Variants in LRMDA observed in about 807,000 individuals in gnomAD.
The protein encoded by LRMDA is leucine rich melanocyte differentiation associated, also known as leucine-rich melanocyte differentiation-associated protein.
LRMDA carries 18 observed loss-of-function variants against 29.8 expected under a neutral mutation model. The observed-to-expected ratio is 0.60, with a 90% CI of 0.42 to 0.90. LRMDA has a LOEUF of 0.90. Among genes scored for constraint, LRMDA ranks in the 40% least tolerant of loss-of-function variants. The pLI is 0.00. For synonymous variants in LRMDA, 125 were observed against 109.4 expected, an observed-to-expected ratio of 1.14 and a Z score of -0.89; for missense variants, 273 against 273.9, an observed-to-expected ratio of 1.00 and a Z score of 0.02.
At chr10:76,137,992 A>G (rs114847734) in intron 5 of LRMDA, among the ~76,000 whole-genome samples, 201 of 152,254 alleles carry the variant, frequency 1.3e-3, no homozygotes, top group African/African-American at 4.7e-3. Context: ...TAGGAAGATT[A>G]TAATTTCAGG....
At chr10:76,088,463 G>A (rs753741569) in intron 5 of LRMDA, among the ~76,000 whole-genome samples, 1 of 152,168 alleles carries the variant, frequency 6.6e-6, no homozygotes, top group Non-Finnish European at 1.5e-5. Context: ...GACTTTGAGG[G>A]TGGGAATTTA....
At chr10:76,132,966 CTTTTTTTTTTTTTTTTTTT>C in intron 5 of LRMDA, among the ~76,000 whole-genome samples, 1 of 57,380 alleles carries the variant, frequency 1.7e-5, no homozygotes, top group East Asian at 7.3e-4. Flanking sequence ...CCACGCCCGG[CTTTTTTTTTTTTTTTTTTT>C]TTTTTTTTTG....
intron 2 of LRMDA, among the ~76,000 whole-genome samples, chr10:76,021,225 AC>A (rs1847969533): frequency 6.6e-6 from 1 of 152,212 alleles, no homozygotes; most frequent in Non-Finnish European, 1.5e-5. Flanking sequence ...TTTGGGACAG[AC>A]AGAGAAGTCT....
chr10:76,180,277 C>CTTT (rs34563574), intron 5 of LRMDA, among the ~76,000 whole-genome samples: 59 of 89,860 alleles, frequency 6.6e-4, no homozygotes, highest in Non-Finnish European at 9.0e-4. Flanking sequence ...TTGGAAAAAA[C>CTTT]TTTTTTTTTT....
At chr10:75,743,413 A>T (rs1283486973) in intron 2 of LRMDA, 1 of 152,180 alleles carries the variant, frequency 6.6e-6, no homozygotes, top group Admixed American at 6.5e-5. Context: ...GTCCTCTGAG[A>T]ACTGCTTCCT....
At chr10:75,473,099 C>G (rs924133613) in intron 2 of LRMDA, among the ~76,000 whole-genome samples, 7 of 152,200 alleles carry the variant, frequency 4.6e-5, no homozygotes, top group African/African-American at 1.7e-4. Flanking sequence ...GGAGAGAGAG[C>G]TGTTTTGACA....
intron 2 of LRMDA, among the ~76,000 whole-genome samples, chr10:75,745,291 T>G (rs2132213727): frequency 6.6e-6 from 1 of 152,302 alleles, no homozygotes; most frequent in South Asian, 2.1e-4. Context: ...CGTGTGTGTG[T>G]ATAATATAAA....
chr10:75,752,879 G>A (rs1589188093), intron 2 of LRMDA, among the ~76,000 whole-genome samples: 1 of 152,172 alleles, frequency 6.6e-6, no homozygotes, highest in Non-Finnish European at 1.5e-5. Flanking sequence ...AGACCAATTC[G>A]AGTCTGAATT....
intron 2 of LRMDA, among the ~76,000 whole-genome samples, chr10:75,496,835 A>G (rs1016172030): frequency 2.0e-5 from 3 of 152,314 alleles, no homozygotes; most frequent in Middle Eastern, 3.4e-3. Flanking sequence ...ATGTTTATAC[A>G]TAAGGTGTAT....
rs540965105 is a variant in LRMDA at position 76,298,776 on chromosome 10, A to G, written c.517-25625A>G. Among the ~76,000 whole-genome samples, 44 of 152,278 alleles carry G rather than the reference A, an allele frequency of 2.9e-4. 1 individual carries two copies. In the East Asian group the frequency reaches 7.2e-3, roughly 25 times the overall value. On this transcript the variant is annotated intron_variant, in intron 5 of 6. Coordinates refer to ENST00000611255, the MANE Select transcript of LRMDA (RefSeq NM_001305581.2). ...AGCATACCATTCTACTCAGTTTCTT[A>G]TAGGTTTTAACAAATTGTTTTGTGA...
intron 5 of LRMDA, among the ~76,000 whole-genome samples, chr10:76,223,752 A>C (rs2132261802): frequency 6.6e-6 from 1 of 152,120 alleles, no homozygotes; most frequent in Non-Finnish European, 1.5e-5. Flanking sequence ...CTGTGAGAAA[A>C]TTCCTATTGT....
chr10:76,343,569 C>A (rs1841067268), intron 6 of LRMDA, among the ~76,000 whole-genome samples: 1 of 152,068 alleles, frequency 6.6e-6, no homozygotes, highest in Non-Finnish European at 1.5e-5. Context: ...TATAGCCATT[C>A]TTGATAAAAA....
At chr10:76,053,858 G>A (rs1273790628) in intron 4 of LRMDA, among the ~76,000 whole-genome samples, 1 of 152,176 alleles carries the variant, frequency 6.6e-6, no homozygotes, top group Non-Finnish European at 1.5e-5. Context: ...TTCTCAGCAG[G>A]ACTAGCAGCA....
intron 2 of LRMDA, among the ~76,000 whole-genome samples, chr10:76,016,221 T>A (rs890310524): frequency 6.6e-6 from 1 of 152,186 alleles, no homozygotes; most frequent in Non-Finnish European, 1.5e-5. Context: ...CCTTTGATGA[T>A]GTTGATTTCT....
chr10:76,475,253 TGTG>T (rs574851874), intron 6 of LRMDA, among the ~76,000 whole-genome samples: 63 of 151,766 alleles, frequency 4.2e-4, no homozygotes, highest in South Asian at 1.2e-3. Flanking sequence ...GTTTTCAGAT[TGTG>T]GTGATGATTG....
intron 2 of LRMDA, among the ~76,000 whole-genome samples, chr10:75,530,114 C>A (rs1042255576): frequency 3.3e-5 from 5 of 151,402 alleles, no homozygotes; most frequent in African/African-American, 1.2e-4. Context: ...TTTATATATT[C>A]TTTAAAAAAT....
chr10:76,483,985 A>T (rs1842757625), intron 6 of LRMDA, among the ~76,000 whole-genome samples: 1 of 151,912 alleles, frequency 6.6e-6, no homozygotes, highest in African/African-American at 2.4e-5. Context: ...TAACTACAGC[A>T]TCTGTAGGGA....
intron 2 of LRMDA, among the ~76,000 whole-genome samples, chr10:75,754,538 C>T (rs528983901): frequency 2.6e-5 from 4 of 152,044 alleles, no homozygotes; most frequent in South Asian, 2.1e-4. Context: ...CCTAACTGCA[C>T]GGGGTGAACT....
chr10:76,494,030 CT>C, intron 6 of LRMDA, among the ~76,000 whole-genome samples: 3 of 151,968 alleles, frequency 2.0e-5, no homozygotes, highest in African/African-American at 7.2e-5. Context: ...TATTATGTTA[CT>C]TACATAAACT....
Sources: allele counts gnomAD v4.1 joint callset (sites outside exome capture counted in the v4.1 genomes callset), GRCh38; gene constraint gnomAD v4.1.1; transcripts MANE v1.5; gene names NCBI Gene and HGNC (gene_info 2026-07-23, HGNC 2026-07-21).